TMPRSS11F: variants seen among roughly 807,000 people sequenced by gnomAD.
TMPRSS11F encodes transmembrane protease serine 11F.
A neutral mutation model predicts 60.2 loss-of-function variants in TMPRSS11F; 47 were observed. The ratio of observed to expected loss-of-function variants is 0.78; its 90% CI spans 0.62 to 1.00. The LOEUF is 1.00. Among genes scored for constraint, TMPRSS11F ranks in the 50% least tolerant of loss-of-function variants. The probability of loss-of-function intolerance (pLI) is 0.00; values close to 1 mark genes in which losing one functional copy is unlikely to be tolerated. For synonymous variants in TMPRSS11F, 166 were observed against 167.3 expected (o/e 0.99, Z 0.06); for missense variants, 519 against 522.9 (o/e 0.99, Z 0.07).
At chr4:68,091,124 A>G (rs547400841) in intron 2 of TMPRSS11F, among the ~76,000 whole-genome samples, 6 of 152,168 alleles carry the variant, frequency 3.9e-5, no homozygotes, top group Non-Finnish European at 4.4e-5. Context: ...TCACTCCCTA[A>G]TTCTCTGCAA....
At chr4:68,059,508 C>A (rs2109828290) in intron 8 of TMPRSS11F, 40 bp from the exon 9 acceptor site, 2 of 1,584,612 alleles carry the variant, frequency 1.3e-6, no homozygotes, top group East Asian at 2.2e-5. Context: ...AAACAGTATT[C>A]CTCAAATACA....
chr4:68,055,185 G>A (rs1049429054), intron 9 of TMPRSS11F, among the ~76,000 whole-genome samples: 6 of 152,194 alleles, frequency 3.9e-5, no homozygotes, highest in Non-Finnish European at 1.5e-5. Flanking sequence ...AGTCTGGAAG[G>A]TAAGGAAAGA....
At position 68,059,379 on chromosome 4, in the gene TMPRSS11F, T is replaced by C; in HGVS notation, c.1105A>G (p.Thr369Ala). The C allele has an allele frequency of 6.2e-7, 1 of 1,613,954 alleles. No individual in the cohort carries two copies. The highest frequency in any genetic ancestry group is 8.5e-7 in the Non-Finnish European group (1 of 1,179,978). The change falls in exon 9 of 10, where the codon ACT becomes GCT. Residue 369 changes from threonine to alanine, a missense_variant. By Grantham distance (58) the Thr-to-Ala change is moderately conservative. Transcript: ENST00000356291. ...NRKDVYDGLI[T>A]PGMLCAGFME... ...AATCCAGCACATAACATTCCTGGAG[T>C]TATCAGGCCATCATACACATCCTTT...
intron 8 of TMPRSS11F, among the ~76,000 whole-genome samples, chr4:68,064,102 TA>T (rs1354861190): frequency 6.6e-6 from 1 of 151,614 alleles, no homozygotes; most frequent in East Asian, 1.9e-4. Context: ...TTTCCTTCTA[TA>T]TTAGTCTCTC....
chr4:68,067,375 TG>T (rs1163236079), intron 7 of TMPRSS11F, among the ~76,000 whole-genome samples: 2 of 152,228 alleles, frequency 1.3e-5, no homozygotes, highest in South Asian at 2.1e-4. Flanking sequence ...GCAATTCCCA[TG>T]TAGGTCTGTG....
intron 2 of TMPRSS11F, among the ~76,000 whole-genome samples, chr4:68,094,622 G>C (rs965435754): frequency 6.6e-6 from 1 of 151,568 alleles, no homozygotes; most frequent in African/African-American, 2.4e-5. Context: ...TGGCTCTTGG[G>C]ATTTCATGGG....
chr4:68,102,819 A>G (rs955800056), intron 1 of TMPRSS11F, among the ~76,000 whole-genome samples: 2 of 151,650 alleles, frequency 1.3e-5, no homozygotes, highest in East Asian at 3.9e-4. Context: ...TTTAAGTTTG[A>G]TGTTGTTCTG....
At chr4:68,061,099 G>A (rs1037853907) in intron 8 of TMPRSS11F, among the ~76,000 whole-genome samples, 107 of 151,920 alleles carry the variant, frequency 7.0e-4, no homozygotes, top group Middle Eastern at 3.4e-3. Context: ...TGATACATTA[G>A]GTAAGAAGCA....
intron 2 of TMPRSS11F, among the ~76,000 whole-genome samples, chr4:68,096,793 G>C (rs971000205): frequency 6.6e-6 from 1 of 152,164 alleles, no homozygotes; most frequent in South Asian, 2.1e-4. Flanking sequence ...CACTATGTCT[G>C]CTGAAATCCT....
intron 3 of TMPRSS11F, among the ~76,000 whole-genome samples, chr4:68,076,137 T>C (rs1723578768): frequency 6.6e-6 from 1 of 152,158 alleles, no homozygotes; most frequent in South Asian, 2.1e-4. Context: ...AATAACACAG[T>C]TTCTCAGAAT....
chr4:68,053,955 C>A lies in TMPRSS11F; in HGVS notation c.1271G>T (p.Arg424Ile). 1 of 1,613,754 alleles carries A rather than the reference C, an allele frequency of 6.2e-7. No homozygotes were observed. Among genetic ancestry groups the A allele is most frequent in the Non-Finnish European group, 8.5e-7 (1 of 1,179,716 alleles). The change falls in exon 10 of 10, where the codon AGA becomes ATA. Residue 424 changes from arginine to isoleucine, a missense_variant. By Grantham distance (97) the Arg-to-Ile change is moderately conservative. Transcript: ENST00000356291. ...AATCCAATCTCGATACTTAGTTACTCTGGTGTAGACTCCAGGTTTTTTGGG... is the reference window on the plus strand; with the variant it reads ...AATCCAATCTCGATACTTAGTTACTATGGTGTAGACTCCAGGTTTTTTGGG... ...ALPKKPGVYT[R>I]VTKYRDWIAS...
intron 1 of TMPRSS11F, among the ~76,000 whole-genome samples, chr4:68,125,442 T>A (rs765464920): frequency 6.6e-6 from 1 of 152,166 alleles, no homozygotes; most frequent in Non-Finnish European, 1.5e-5. Flanking sequence ...TTTAGTCATA[T>A]ATGATACTGG....
intron 1 of TMPRSS11F, among the ~76,000 whole-genome samples, chr4:68,116,954 T>C (rs931429144): frequency 3.9e-5 from 6 of 152,118 alleles, no homozygotes; most frequent in African/African-American, 1.4e-4. Context: ...GGATATGACA[T>C]GACACCAAAA....
At chr4:68,124,945 ATTTTTT>A (rs370189875) in intron 1 of TMPRSS11F, among the ~76,000 whole-genome samples, 49 of 94,112 alleles carry the variant, frequency 5.2e-4, no homozygotes, top group Middle Eastern at 9.6e-3. Context: ...CTAAACCAGC[ATTTTTT>A]TTTTTTTTTT....
intron 1 of TMPRSS11F, among the ~76,000 whole-genome samples, chr4:68,115,403 C>G (rs1358679276): frequency 1.4e-5 from 2 of 145,796 alleles, no homozygotes; most frequent in East Asian, 4.0e-4. Context: ...AAAAGTTTCT[C>G]AAGCATATAA....
rs1162312075 is a variant in TMPRSS11F at position 68,114,721 on chromosome 4, G to GA, written c.11+15088dup. Among the ~76,000 whole-genome samples the GA allele has an allele frequency of 8.6e-3, 1,222 of 141,518 alleles. 15 individuals carry two copies. The highest frequency in any genetic ancestry group is 0.027 in the African/African-American group (1,059 of 38,898). The allele number at this position is 141,518 out of a possible 152,430, so 92.8% of individuals were successfully genotyped here. A position where few individuals can be genotyped will look rare whatever the true frequency, so the allele number is the denominator to read the frequency against. On this transcript the variant is annotated intron_variant, in intron 1 of 9. Coordinates refer to ENST00000356291, the MANE Select transcript of TMPRSS11F (RefSeq NM_207407.2). ...AGTTAGAGTTTCCCAAAGGGAACTGGAAAAAAAAAAATCAGATGAAAGCCC... is the reference window on the plus strand; with the variant it reads ...AGTTAGAGTTTCCCAAAGGGAACTGGAAAAAAAAAAAATCAGATGAAAGCCC...
At chr4:68,107,554 T>C (rs770099395) in intron 1 of TMPRSS11F, among the ~76,000 whole-genome samples, 4 of 151,962 alleles carry the variant, frequency 2.6e-5, no homozygotes, top group Admixed American at 6.6e-5. Context: ...GCAGACTTGG[T>C]GAATTTGCAG....
chr4:68,072,594 AT>A (rs1723504054), intron 4 of TMPRSS11F, 108 bp from the exon 5 acceptor site: 1 of 736,250 alleles, frequency 1.4e-6, no homozygotes, highest in African/African-American at 1.8e-5. Context: ...ATACATGTGC[AT>A]ACCAGATTTT....
At chr4:68,090,280 A>T (rs1723897419) in intron 3 of TMPRSS11F, among the ~76,000 whole-genome samples, 1 of 152,040 alleles carries the variant, frequency 6.6e-6, no homozygotes, top group Non-Finnish European at 1.5e-5. Flanking sequence ...ATTTGTTTCA[A>T]CCAACAATTT....
Sources: gnomAD v4.1 joint callset for allele counts (sites outside exome capture counted in the v4.1 genomes callset) on GRCh38, gnomAD v4.1.1 for gene constraint, MANE v1.5 for transcripts, NCBI Gene and HGNC (gene_info 2026-07-23, HGNC 2026-07-21) for gene names.